MSRB3: variants seen among roughly 807,000 people sequenced by gnomAD.
MSRB3 encodes methionine-R-sulfoxide reductase B3.
In MSRB3, 13 loss-of-function variants were observed where a neutral mutation model predicts 21.0. The observed-to-expected ratio is 0.62, with a 90% CI of 0.40 to 0.98. MSRB3 has a LOEUF of 0.98. Ranked by LOEUF, MSRB3 falls within the 50% of genes least tolerant of loss-of-function variation. MSRB3 has a pLI of 0.00. For synonymous variants in MSRB3, 87 were observed against 88.6 expected, an observed-to-expected ratio of 0.98 and a Z score of 0.10; for missense variants, 199 against 230.3, an observed-to-expected ratio of 0.86 and a Z score of 0.88.
rs1001664092 is a variant in MSRB3, at chr12:65,316,226, T to A, written c.76+7571T>A. 4 of 152,264 alleles carry A rather than the reference T, an allele frequency of 2.6e-5. No individual in the cohort carries two copies. In the East Asian group the frequency reaches 7.7e-4, roughly 29 times the overall value. 9.4% of individuals were successfully genotyped at this position (152,264 alleles called of 1,614,324 possible). A position where few individuals can be genotyped will look rare whatever the true frequency, so the allele number is the denominator to read the frequency against. On this transcript the variant is annotated intron_variant, in intron 2 of 6. Transcript: ENST00000308259. ...AGAATTTTGTAACATTCTTGTCAAA[T>A]CTTTTATAAAAGATATGACCTTCAG...
intron 1 of MSRB3, among the ~76,000 whole-genome samples, chr12:65,294,897 C>CT (rs1485628150): frequency 1.3e-5 from 2 of 152,134 alleles, no homozygotes; most frequent in African/African-American, 2.4e-5. Context: ...TCACGGCTCC[C>CT]TGTGGCCTCG....
At chr12:65,380,511 G>T (rs1397996658) in intron 5 of MSRB3, among the ~76,000 whole-genome samples, 1 of 152,126 alleles carries the variant, frequency 6.6e-6, no homozygotes, top group Non-Finnish European at 1.5e-5. Flanking sequence ...GGAGGTGGAG[G>T]CTGCAGTGAG....
In MSRB3 at chr12:65,337,877, G is replaced by GT. The variant is rs542493151; in HGVS notation, c.263+9274_263+9275insT. On this transcript the variant is annotated intron_variant, in intron 4 of 6. Coordinates refer to ENST00000308259, the MANE Select transcript of MSRB3 (RefSeq NM_001031679.3). Reference sequence around the variant, plus strand: ...ATTCTCCAAATTATATAACTTACATGAGTAACTCAGAGTTTTAATACATTT... The same window carrying GT: ...ATTCTCCAAATTATATAACTTACATGTAGTAACTCAGAGTTTTAATACATTT... Among the ~76,000 whole-genome samples, 15 of 152,186 alleles carry GT rather than the reference G, an allele frequency of 9.9e-5. No individual in the cohort carries two copies. The South Asian group carries it at 2.7e-3, about 27-fold the overall frequency.
At chr12:65,377,159 A>G (rs925249057) in intron 5 of MSRB3, among the ~76,000 whole-genome samples, 38 of 152,176 alleles carry the variant, frequency 2.5e-4, no homozygotes, top group African/African-American at 8.4e-4. Context: ...CTTTGTGCAA[A>G]TGCTGACTCT....
chr12:65,359,203 A>C (rs1877564457), intron 4 of MSRB3, among the ~76,000 whole-genome samples: 2 of 152,008 alleles, frequency 1.3e-5, no homozygotes, highest in Admixed American at 1.3e-4. Context: ...AGTTCTGTAA[A>C]GTGAAAAGCA....
intron 5 of MSRB3, among the ~76,000 whole-genome samples, chr12:65,381,927 T>A (rs1309374928): frequency 3.3e-5 from 5 of 152,066 alleles, no homozygotes; most frequent in Non-Finnish European, 7.4e-5. Flanking sequence ...ATTAAAGACA[T>A]ACTTAATTGA....
intron 1 of MSRB3, among the ~76,000 whole-genome samples, chr12:65,287,764 C>G (rs943008973): frequency 6.6e-6 from 1 of 152,058 alleles, no homozygotes; most frequent in Non-Finnish European, 1.5e-5. Flanking sequence ...GGGTTGAGGG[C>G]AGAGCATGTT....
intron 5 of MSRB3, among the ~76,000 whole-genome samples, chr12:65,388,196 G>T (rs959993150): frequency 1.3e-5 from 2 of 152,100 alleles, no homozygotes; most frequent in African/African-American, 4.8e-5. Context: ...GTATATTTAG[G>T]AAGGGTCTCT....
At chr12:65,450,451 G>A (rs1197311028) in intron 5 of MSRB3, among the ~76,000 whole-genome samples, 2 of 152,108 alleles carry the variant, frequency 1.3e-5, no homozygotes, top group African/African-American at 4.8e-5. Context: ...AAAAAGTACA[G>A]TTTATATTCT....
chr12:65,295,248 T>C (rs912849304), intron 1 of MSRB3, among the ~76,000 whole-genome samples: 19 of 152,202 alleles, frequency 1.2e-4, no homozygotes, highest in Middle Eastern at 3.2e-3. Context: ...AAGTAAAAAA[T>C]GCAGTAGCAT....
intron 4 of MSRB3, among the ~76,000 whole-genome samples, chr12:65,342,405 A>G (rs1876205226): frequency 6.6e-6 from 1 of 152,010 alleles, no homozygotes; most frequent in Non-Finnish European, 1.5e-5. Flanking sequence ...ACCTCTTAAT[A>G]ATAAAAAATG....
intron 4 of MSRB3, among the ~76,000 whole-genome samples, chr12:65,353,281 G>T (rs954143678): frequency 4.6e-5 from 7 of 152,084 alleles, no homozygotes; most frequent in African/African-American, 1.7e-4. Flanking sequence ...GGATATCCTT[G>T]TTAACTTTCT....
intron 5 of MSRB3, among the ~76,000 whole-genome samples, chr12:65,370,214 G>A (rs1431152772): frequency 6.6e-6 from 1 of 152,164 alleles, no homozygotes; most frequent in Non-Finnish European, 1.5e-5. Flanking sequence ...GGATGGCATT[G>A]TGTCAACTGT....
chr12:65,457,991 T>A (rs559539186), intron 6 of MSRB3, among the ~76,000 whole-genome samples: 1 of 152,242 alleles, frequency 6.6e-6, no homozygotes, highest in Non-Finnish European at 1.5e-5. Context: ...TGCCTCAATA[T>A]GGTTTGTGTT....
intron 5 of MSRB3, among the ~76,000 whole-genome samples, chr12:65,389,325 A>C (rs1189310648): frequency 6.7e-6 from 1 of 150,018 alleles, no homozygotes; most frequent in Non-Finnish European, 1.5e-5. Flanking sequence ...TGTTTTCTTC[A>C]TTTTTTTTTA....
At chr12:65,291,638 G>T (rs966201025) in intron 1 of MSRB3, among the ~76,000 whole-genome samples, 19 of 152,124 alleles carry the variant, frequency 1.2e-4, no homozygotes, top group African/African-American at 4.6e-4. Context: ...TATCTAATCT[G>T]AGGTTACAGT....
chr12:65,282,882 C>T (rs376875617), intron 1 of MSRB3, among the ~76,000 whole-genome samples: 171 of 152,180 alleles, frequency 1.1e-3, no homozygotes, highest in African/African-American at 4.0e-3. Flanking sequence ...ATCTGATGTA[C>T]GTAGTACAGC....
At chr12:65,409,304 C>T (rs10784455) in intron 5 of MSRB3, among the ~76,000 whole-genome samples, 71,189 of 151,674 alleles carry the variant, frequency 0.47, 17,279 homozygotes, top group African/African-American at 0.59. Context: ...ATAGAGTATA[C>T]TTAAACCTAG....
At chr12:65,454,736 T>A (rs1200965683) in intron 6 of MSRB3, among the ~76,000 whole-genome samples, 1 of 152,228 alleles carries the variant, frequency 6.6e-6, no homozygotes, top group Non-Finnish European at 1.5e-5. Flanking sequence ...GTTCTGTCCA[T>A]CTGCTTTAAC....
Sources: gnomAD v4.1 joint callset for allele counts (sites outside exome capture counted in the v4.1 genomes callset) on GRCh38, gnomAD v4.1.1 for gene constraint, MANE v1.5 for transcripts, NCBI Gene and HGNC (gene_info 2026-07-23, HGNC 2026-07-21) for gene names.